The following TBC1D9B variants were observed in gnomAD, a reference collection of about 807,000 sequenced individuals.
The protein encoded by TBC1D9B is TBC1 domain family, member 9B (with GRAM domain).
In TBC1D9B, 87 loss-of-function variants were observed where a neutral mutation model predicts 121.1. That is an observed-to-expected ratio of 0.72 (90% CI 0.60 to 0.86). The LOEUF (loss-of-function observed/expected upper bound fraction) is 0.86, where lower values mean the gene tolerates loss of function less well. Among genes scored for constraint, TBC1D9B ranks in the 40% least tolerant of loss-of-function variants. TBC1D9B has a pLI of 0.00. For synonymous variants in TBC1D9B, 668 were observed against 670.1 expected, an observed-to-expected ratio of 1.00 and a Z score of 0.05; for missense variants, 1,540 against 1,628.6, an observed-to-expected ratio of 0.95 and a Z score of 0.94.
In TBC1D9B at chr5:179,893,476, A is replaced by G; in HGVS notation, c.578-9T>C. 3.2e-6 allele frequency: 5 copies of G among 1,582,680 alleles called. No individual in the cohort carries two copies. Among genetic ancestry groups the G allele is most frequent in the Non-Finnish European group, 4.3e-6 (5 of 1,160,732 alleles). On this transcript the variant is annotated splice_polypyrimidine_tract_variant and intron_variant, in intron 4 of 20. Transcript: ENST00000355235. ...CTGCACCACGAGGCTCACTGTGCCC[A>G]CAGAGATAGACACACCGCAAGTTAG...
chr5:179,894,012 C>T (rs1001076322), intron 4 of TBC1D9B, among the ~76,000 whole-genome samples: 2 of 152,080 alleles, frequency 1.3e-5, no homozygotes, highest in East Asian at 1.9e-4. Context: ...ATCCTGTGGC[C>T]GGGATGTCTG....
intron 1 of TBC1D9B, among the ~76,000 whole-genome samples, chr5:179,905,326 A>G (rs1761281883): frequency 6.6e-6 from 1 of 152,242 alleles, no homozygotes; most frequent in African/African-American, 2.4e-5. Context: ...CACACACAGG[A>G]CAATGATTCT....
At chr5:179,893,765 T>C (rs546606380) in intron 4 of TBC1D9B, among the ~76,000 whole-genome samples, 150 of 146,768 alleles carry the variant, frequency 1.0e-3, no homozygotes, top group African/African-American at 3.6e-3. Flanking sequence ...CTCCCCCAAG[T>C]GGGAGCGCAC....
intron 8 of TBC1D9B, 138 bp from the exon 9 acceptor site, chr5:179,879,335 G>A: frequency 7.3e-7 from 1 of 1,368,670 alleles, no homozygotes; most frequent in East Asian, 2.5e-5. Flanking sequence ...TCCCGGGAAA[G>A]ACCAGGCCGC....
intron 3 of TBC1D9B, 63 bp downstream of exon 3, chr5:179,899,126 T>C: frequency 7.3e-7 from 1 of 1,361,836 alleles, no homozygotes; most frequent in Non-Finnish European, 1.0e-6. Context: ...TGAAATAGGA[T>C]AATACACGAG....
chr5:179,867,907 G>GT, intron 17 of TBC1D9B, 58 bp from the exon 18 acceptor site: 1 of 1,473,836 alleles, frequency 6.8e-7, no homozygotes. Context: ...TCCTCTCAGA[G>GT]TAAGTTCCCT....
chr5:179,893,529 C>A (rs1406023820), intron 4 of TBC1D9B, 62 bp from the exon 5 acceptor site: 50 of 1,541,760 alleles, frequency 3.2e-5, no homozygotes, highest in Non-Finnish European at 3.9e-5. Context: ...CTCCTGATGC[C>A]CATCTGTACC....
chr5:179,871,348 C>T, intron 15 of TBC1D9B, 114 bp downstream of exon 15: 1 of 1,065,856 alleles, frequency 9.4e-7, no homozygotes, highest in South Asian at 1.5e-5. Context: ...TTCTGTTTTT[C>T]TATTCTATTC....
chr5:179,870,265 C>T lies in TBC1D9B; in HGVS notation c.2715G>A (p.Val905=), dbSNP rs748339765. The change falls in exon 16 of 21, where the codon GTG becomes GTA. Residue 905 remains valine, a synonymous_variant. Coordinates refer to ENST00000355235, the MANE Select transcript of TBC1D9B (RefSeq NM_015043.4). ...KDSLINFKEF[V]TGMSGMYHGD... is the part of the protein sequence containing the mutation. The stretch of plus-strand genomic sequence containing the variant: ...CCTGCAGGCACTCACTCATCCCTGT[C>T]ACGAACTCCTTGAAGTTGATCAGCG... 1.2e-6 allele frequency: 2 copies of T among 1,613,858 alleles called. No individual in the cohort carries two copies. The highest frequency in any genetic ancestry group is 2.7e-5 in the African/African-American group (2 of 75,058).
In TBC1D9B at chr5:179,874,219, G is replaced by C. The variant is rs376091832; in HGVS notation, c.2186+683C>G. Among the ~76,000 whole-genome samples the C allele has an allele frequency of 5.1e-4, 78 of 152,314 alleles. 3 individuals are homozygous for C. In the South Asian group the frequency reaches 0.016, roughly 31 times the overall value. On this transcript the variant is annotated intron_variant, in intron 12 of 20. Transcript: ENST00000355235. The surrounding 1 kb of genome is among the most constrained non-coding windows in gnomAD (Gnocchi z 4.3). Reference sequence around the variant, plus strand: ...GAGGCTCAGACAGTGCCTTTGTACAGAGGACCCAGGGAAGGGGCAGGGCCA... The same window carrying C: ...GAGGCTCAGACAGTGCCTTTGTACACAGGACCCAGGGAAGGGGCAGGGCCA...
At chr5:179,897,119 G>A (rs1761043385) in intron 3 of TBC1D9B, among the ~76,000 whole-genome samples, 1 of 146,316 alleles carries the variant, frequency 6.8e-6, no homozygotes, top group Admixed American at 6.7e-5. Flanking sequence ...GTGTTAGCCA[G>A]GATGGTCTCG....
rs957437691 is a variant in TBC1D9B, at chr5:179,885,592, C to A, written c.1254+2511G>T. Among the ~76,000 whole-genome samples, 11 of 123,328 alleles carry A rather than the reference C, an allele frequency of 8.9e-5. No homozygotes were observed. Among genetic ancestry groups the A allele is most frequent in the South Asian group, 6.5e-4 (2 of 3,088 alleles). 80.9% of individuals were successfully genotyped at this position (123,328 alleles called of 152,430 possible). On this transcript the variant is annotated intron_variant, in intron 7 of 20. Transcript: ENST00000355235. This position sits in a 1 kb window ranked among gnomAD's most constrained non-coding sequence, Gnocchi z 4.5. ...TGACAGAGCAAGACTCTGTCCCCCCCCCAAAAAAAAAAAGATGGAGGTATT... is the reference window on the plus strand; with the variant it reads ...TGACAGAGCAAGACTCTGTCCCCCCACCAAAAAAAAAAAGATGGAGGTATT...
chr5:179,890,964 T>TG lies in TBC1D9B; in HGVS notation c.1044+414_1044+415insC, dbSNP rs1760845719. Among the ~76,000 whole-genome samples the TG allele has an allele frequency of 6.6e-6, 1 of 152,214 alleles. No individual in the cohort carries two copies. The stretch of plus-strand genomic sequence containing the variant: ...AGCCGAGCCACGCCAAGGTGGTATG[T>TG]CCAGAGAGGACTGGTGAGGTGGCCT... On this transcript the variant is annotated intron_variant, in intron 6 of 20. Transcript: ENST00000355235. This position sits in a 1 kb window ranked among gnomAD's most constrained non-coding sequence, Gnocchi z 5.0.
In TBC1D9B at chr5:179,868,085, T is replaced by C. The variant is rs550196375; in HGVS notation, c.2792-236A>G. 8.2e-4 allele frequency: 296 copies of C among 363,116 alleles called. 4 individuals are homozygous for C. The highest frequency in any genetic ancestry group is 2.9e-3 in the Middle Eastern group (4 of 1,388). The allele number at this position is 363,116 out of a possible 1,614,324, so 22.5% of individuals were successfully genotyped here. On this transcript the variant is annotated intron_variant, in intron 17 of 20. Transcript: ENST00000355235. ...TGGACTCTCACTTTATCACCCATGC[T>C]GCAGTGCAGTCACATGATCTCAGCT...
chr5:179,907,646 G>A lies in TBC1D9B; in HGVS notation c.118+58C>T, dbSNP rs1264385927. 5.6e-6 allele frequency: 5 copies of A among 892,240 alleles called. No individual in the cohort carries two copies. Among genetic ancestry groups the A allele is most frequent in the Non-Finnish European group, 6.7e-6 (5 of 747,956 alleles). The allele number at this position is 892,240 out of a possible 1,614,324, so 55.3% of individuals were successfully genotyped here. ...CGGACCCGCCCGCCGCCCGCCGCCA[G>A]CCCCGCCGCCAGCCCAGCCGCGGCG... On this transcript the variant is annotated intron_variant, in intron 1 of 20. Transcript: ENST00000355235. This position sits in a 1 kb window ranked among gnomAD's most constrained non-coding sequence, Gnocchi z 5.3.
intron 7 of TBC1D9B, among the ~76,000 whole-genome samples, chr5:179,881,945 C>CTTTTTTTTTTTTTTT (rs1561640797): frequency 7.2e-5 from 10 of 139,252 alleles, no homozygotes; most frequent in African/African-American, 3.3e-4. Flanking sequence ...ATATACCTTC[C>CTTTTTTTTTTTTTTT]GTTTTTTTTT....
rs550418299 is a variant in TBC1D9B at position 179,904,220 on chromosome 5, C to CTTTTT, written c.229+477_229+481dup. On this transcript the variant is annotated intron_variant, in intron 2 of 20. Transcript: ENST00000355235. The surrounding 1 kb of genome is among the most constrained non-coding windows in gnomAD (Gnocchi z 4.2). ...CTGTCCCCATGACCAGTGGAGCTGCCTTTTTTTTTTTTTTTTTTTTTTGAG... is the reference window on the plus strand; with the variant it reads ...CTGTCCCCATGACCAGTGGAGCTGCCTTTTTTTTTTTTTTTTTTTTTTTTTTTGAG... 2.5e-5 allele frequency among the ~76,000 whole-genome samples: 2 copies of CTTTTT among 80,896 alleles called. No homozygotes were observed. The highest frequency in any genetic ancestry group is 5.0e-5 in the African/African-American group (1 of 19,970). 53.1% of individuals were successfully genotyped at this position (80,896 alleles called of 152,430 possible).
chr5:179,864,868 C>T (rs1236640294), intron 20 of TBC1D9B, among the ~76,000 whole-genome samples: 1 of 152,274 alleles, frequency 6.6e-6, no homozygotes, highest in Non-Finnish European at 1.5e-5. Context: ...TGGCAAGACA[C>T]CATGCTTCTG....
chr5:179,899,881 C>G (rs1404263191), intron 2 of TBC1D9B, among the ~76,000 whole-genome samples: 1 of 152,034 alleles, frequency 6.6e-6, no homozygotes, highest in Non-Finnish European at 1.5e-5. Context: ...TGTGTCTGCC[C>G]CACCTAGGAG....
Sources: allele counts gnomAD v4.1 joint callset (sites outside exome capture counted in the v4.1 genomes callset), GRCh38; gene constraint gnomAD v4.1.1; non-coding constraint Gnocchi (gnomAD v3.1); transcripts MANE v1.5; gene names NCBI Gene and HGNC (gene_info 2026-07-23, HGNC 2026-07-21).